Variants in ZNF462 observed in about 807,000 individuals in gnomAD.
The protein encoded by ZNF462 is zinc finger protein 462, also known as zinc finger PBX1-interacting protein.
A neutral mutation model predicts 201.9 loss-of-function variants in ZNF462; 10 were observed. The ratio of observed to expected loss-of-function variants is 0.05; its 90% CI spans 0.03 to 0.08. ZNF462 has a LOEUF of 0.08. Ranked by LOEUF, ZNF462 falls within the 10% of genes least tolerant of loss-of-function variation. The pLI is 1.00. For missense variants in ZNF462, 2,523 were observed against 3,168.3 expected (o/e 0.80, Z 4.89); for synonymous variants, 1,227 against 1,193.3 (o/e 1.03, Z -0.58).
chr9:106,871,574 T>C (rs950768123), intron 1 of ZNF462, among the ~76,000 whole-genome samples: 1 of 152,190 alleles, frequency 6.6e-6, no homozygotes, highest in African/African-American at 2.4e-5. Flanking sequence ...ACCTTGTAAT[T>C]TGGTACCTAA....
upstream of ZNF462, among the ~76,000 whole-genome samples, chr9:106,860,662 A>G (rs1827042212): frequency 6.6e-6 from 1 of 152,214 alleles, no homozygotes. This position sits in a 1 kb window ranked among gnomAD's most constrained non-coding sequence, Gnocchi z 7.1. Flanking sequence ...CTTGACAGAA[A>G]AAGTCAGCTT....
In ZNF462 at chr9:106,917,224, A is replaced by G. The variant is rs1237782480; in HGVS notation, c.-30-6130A>G. Among the ~76,000 whole-genome samples, 2 of 152,202 alleles carry G rather than the reference A, an allele frequency of 1.3e-5. No homozygotes were observed. The highest frequency in any genetic ancestry group is 2.4e-5 in the African/African-American group (1 of 41,452). On this transcript the variant is annotated intron_variant, in intron 1 of 12. Coordinates refer to ENST00000277225, the MANE Select transcript of ZNF462 (RefSeq NM_021224.6). This position sits in a 1 kb window ranked among gnomAD's most constrained non-coding sequence, Gnocchi z 4.5. ...TTAGCCACTTGGATTACATCCCTAGATGCTCATTTCATTTTAATGATGATT... is the reference window on the plus strand; with the variant it reads ...TTAGCCACTTGGATTACATCCCTAGGTGCTCATTTCATTTTAATGATGATT...
In ZNF462 at chr9:106,917,848, A is replaced by ATATG. The variant is rs1554701524; in HGVS notation, c.-30-5503_-30-5502insGTAT. ...TATTTTGCTGGTTTATTATTTTTTT[A>ATATG]TATTTATTTATTTATTTATTTATTT... On this transcript the variant is annotated intron_variant, in intron 1 of 12. Transcript: ENST00000277225. This position sits in a 1 kb window ranked among gnomAD's most constrained non-coding sequence, Gnocchi z 4.5. Among the ~76,000 whole-genome samples, 4 of 145,666 alleles carry ATATG rather than the reference A, an allele frequency of 2.7e-5. No homozygotes were observed. The highest frequency in any genetic ancestry group is 4.5e-5 in the Non-Finnish European group (3 of 66,528).
Position 106,928,212 on chromosome 9 carries a change from C to G in ZNF462, c.4300C>G (p.Pro1434Ala). The change falls in exon 3 of 13, where the codon CCC (proline) becomes GCC (alanine). Residue 1434 changes from proline (P) to alanine (A), a missense_variant. Physicochemically the swap from Pro to Ala is conservative, Grantham distance 27 (BLOSUM62 -1). Coordinates refer to ENST00000277225, the MANE Select transcript of ZNF462 (RefSeq NM_021224.6). This position sits in a 1 kb window ranked among gnomAD's most constrained non-coding sequence, Gnocchi z 9.3. ...CCCTGTGAATTGTGAAAACAGTATA[C>G]CCACCCCTTTCCCGGAGCAGGAAGC... is the stretch of plus-strand genomic sequence containing the variant. Reference protein sequence around the residue: ...AGPVNCENSIPTPFPEQEAEC... With the variant: ...AGPVNCENSIATPFPEQEAEC... 6.2e-7 allele frequency: 1 copy of G among 1,614,124 alleles called. No homozygotes were observed. The highest frequency in any genetic ancestry group is 1.1e-5 in the South Asian group (1 of 91,074).
intron 7 of ZNF462, among the ~76,000 whole-genome samples, chr9:106,948,408 A>G (rs1831200040): frequency 6.6e-6 from 1 of 152,200 alleles, no homozygotes; most frequent in Non-Finnish European, 1.5e-5. Context: ...TTCAACAAGG[A>G]ATGTGCAATG....
rs537191669 is a variant in ZNF462 at position 106,880,557 on chromosome 9, A to G, written c.-31+17202A>G. 2.6e-5 allele frequency among the ~76,000 whole-genome samples: 4 copies of G among 152,346 alleles called. No homozygotes were observed. The highest frequency in any genetic ancestry group is 9.6e-5 in the African/African-American group (4 of 41,576). On this transcript the variant is annotated intron_variant, in intron 1 of 12. Coordinates refer to ENST00000277225, the MANE Select transcript of ZNF462 (RefSeq NM_021224.6). The surrounding 1 kb of genome is among the most constrained non-coding windows in gnomAD (Gnocchi z 4.1). ...GTGGACTTTGTGTTTGTTTATGTTA[A>G]GTAGCTCTAAATTTCAGTGATCCTG...
chr9:106,983,494 A>G (rs1358507954), intron 9 of ZNF462, among the ~76,000 whole-genome samples: 4 of 152,194 alleles, frequency 2.6e-5, no homozygotes, highest in Non-Finnish European at 5.9e-5. Context: ...TAGTTTCAAA[A>G]GGAGGGAAGA....
At chr9:106,944,334 A>G (rs1183535303) in intron 7 of ZNF462, among the ~76,000 whole-genome samples, 1 of 152,186 alleles carries the variant, frequency 6.6e-6, no homozygotes, top group African/African-American at 2.4e-5. Flanking sequence ...AACTTTTCCC[A>G]TCAGACTTTT....
chr9:106,931,088 C>G, intron 4 of ZNF462: 1 of 173,022 alleles, frequency 5.8e-6, no homozygotes. Flanking sequence ...TGACTTCTTA[C>G]TGTTCTCATC....
chr9:106,973,329 A>G (rs939602117), intron 8 of ZNF462, among the ~76,000 whole-genome samples: 1 of 152,030 alleles, frequency 6.6e-6, no homozygotes, highest in African/African-American at 2.4e-5. Context: ...AATTGGAAGA[A>G]GAAGTCTCTT....
Position 107,009,689 on chromosome 9 carries a change from G to A in ZNF462, c.7313+21G>A. ...GGCATGTAAGTTGGGCCACTTCAAGGATGCCTTTGTCCAAAGCAAGAGGTA... is the reference window on the plus strand; with the variant it reads ...GGCATGTAAGTTGGGCCACTTCAAGAATGCCTTTGTCCAAAGCAAGAGGTA... On this transcript the variant is annotated intron_variant, in intron 12 of 12. Coordinates refer to ENST00000277225, the MANE Select transcript of ZNF462 (RefSeq NM_021224.6). This position sits in a 1 kb window ranked among gnomAD's most constrained non-coding sequence, Gnocchi z 6.1. The A allele has an allele frequency of 7.7e-7, 1 of 1,291,142 alleles. No homozygotes were observed. Among genetic ancestry groups the A allele is most frequent in the South Asian group, 1.2e-5 (1 of 86,224 alleles). The allele number at this position is 1,291,142 out of a possible 1,614,324, so 80.0% of individuals were successfully genotyped here.
intron 1 of ZNF462, among the ~76,000 whole-genome samples, chr9:106,881,843 C>T (rs997796662): frequency 6.6e-6 from 1 of 152,148 alleles, no homozygotes; most frequent in African/African-American, 2.4e-5. Flanking sequence ...GTACCTTACC[C>T]TCTGTTTGTG....
chr9:106,874,125 A>G (rs1827722370), intron 1 of ZNF462, among the ~76,000 whole-genome samples: 1 of 152,226 alleles, frequency 6.6e-6, no homozygotes, highest in South Asian at 2.1e-4. Flanking sequence ...AAAGGCTTAG[A>G]AAAAATATAT....
intron 7 of ZNF462, among the ~76,000 whole-genome samples, chr9:106,971,785 G>A (rs781061777): frequency 6.6e-6 from 1 of 152,158 alleles, no homozygotes; most frequent in Admixed American, 6.5e-5. Context: ...TAACTGTGAG[G>A]TGATGGATAC....
chr9:106,864,015 G>GC (rs1827176025), intron 1 of ZNF462, among the ~76,000 whole-genome samples: 1 of 134,768 alleles, frequency 7.4e-6, no homozygotes, highest in Non-Finnish European at 1.5e-5. Context: ...CGGATTGGCA[G>GC]CCCCCCTCTT....
rs1300214594 is a variant in ZNF462 at position 107,005,168 on chromosome 9, G to A, written c.7189+1742G>A. 6.6e-6 allele frequency among the ~76,000 whole-genome samples: 1 copy of A among 152,100 alleles called. No individual in the cohort carries two copies. Among genetic ancestry groups the A allele is most frequent in the Non-Finnish European group, 1.5e-5 (1 of 68,020 alleles). ...CTTGGTTATTATGAATAACCCTGCA[G>A]TGAACGTGAGAGTGCAGATATTTCT... is the stretch of plus-strand genomic sequence containing the variant. On this transcript the variant is annotated intron_variant, in intron 11 of 12. Coordinates refer to ENST00000277225, the MANE Select transcript of ZNF462 (RefSeq NM_021224.6). The surrounding 1 kb of genome is among the most constrained non-coding windows in gnomAD (Gnocchi z 4.4).
chr9:106,945,932 A>G lies in ZNF462; in HGVS notation c.6427+6825A>G, dbSNP rs1269226310. Among the ~76,000 whole-genome samples the G allele has an allele frequency of 3.3e-5, 5 of 152,212 alleles. No homozygotes were observed. The East Asian group carries it at 7.7e-4, about 23-fold the overall frequency. Reference sequence around the variant, plus strand: ...ACTCTGAACTCAAAGGTCACGTGATACACGCTTCCCAAGATACCAACCTGC... The same window carrying G: ...ACTCTGAACTCAAAGGTCACGTGATGCACGCTTCCCAAGATACCAACCTGC... On this transcript the variant is annotated intron_variant, in intron 7 of 12. Transcript: ENST00000277225.
chr9:107,010,797 T>C lies in ZNF462; in HGVS notation c.7314-26T>C. On this transcript the variant is annotated intron_variant, in intron 12 of 12. Coordinates refer to ENST00000277225, the MANE Select transcript of ZNF462 (RefSeq NM_021224.6). The surrounding 1 kb of genome is among the most constrained non-coding windows in gnomAD (Gnocchi z 4.6). ...GAGAAATATATATACTATACTCATC[T>C]GTCTCTTCGATAAATGTTTTTCCAG... The C allele has an allele frequency of 6.3e-7, 1 of 1,594,254 alleles. No individual in the cohort carries two copies. Among genetic ancestry groups the C allele is most frequent in the Non-Finnish European group, 8.6e-7 (1 of 1,168,440 alleles).
At position 106,927,105 on chromosome 9, in the gene ZNF462, A is replaced by C. The variant is rs1375531833; in HGVS notation, c.3193A>C (p.Lys1065Gln). 6.2e-7 allele frequency: 1 copy of C among 1,614,196 alleles called. No homozygotes were observed. The highest frequency in any genetic ancestry group is 8.5e-7 in the Non-Finnish European group (1 of 1,180,038). The change falls in exon 3 of 13, where the codon AAA becomes CAA. Residue 1065 changes from lysine (K) to glutamine (Q), a missense_variant. Coordinates refer to ENST00000277225, the MANE Select transcript of ZNF462 (RefSeq NM_021224.6). ...AAAGGCTTCCTACTTTAGGATCCAG[A>C]AAACTATGCGAATGGTGTCTGTGGA... Reference protein sequence around the residue: ...EEKASYFRIQKTMRMVSVDRG... With the variant: ...EEKASYFRIQQTMRMVSVDRG...
Sources: gnomAD v4.1 joint callset for allele counts (sites outside exome capture counted in the v4.1 genomes callset) on GRCh38, gnomAD v4.1.1 for gene constraint, Gnocchi (gnomAD v3.1) non-coding constraint, MANE v1.5 for transcripts, NCBI Gene and HGNC (gene_info 2026-07-23, HGNC 2026-07-21) for gene names.